The following COL25A1 variants were observed in gnomAD, a reference collection of about 807,000 sequenced individuals.
COL25A1 encodes the protein collagen alpha-1(XXV) chain.
A neutral mutation model predicts 128.4 loss-of-function variants in COL25A1; 103 were observed. The observed-to-expected ratio is 0.80, with a 90% CI of 0.68 to 0.94. The LOEUF (loss-of-function observed/expected upper bound fraction) is 0.94, where lower values mean the gene tolerates loss of function less well. COL25A1 is among the 40% of genes least tolerant of loss of function. The pLI is 0.00. For synonymous variants in COL25A1, 279 were observed against 277.2 expected (o/e 1.01, Z -0.06); for missense variants, 745 against 840.0 (o/e 0.89, Z 1.40).
chr4:109,113,959 C>T (rs990531951), intron 3 of COL25A1, among the ~76,000 whole-genome samples: 17 of 152,076 alleles, frequency 1.1e-4, no homozygotes, highest in African/African-American at 2.9e-4. Context: ...TCACCATAAG[C>T]GCTAAATGAG....
intron 6 of COL25A1, among the ~76,000 whole-genome samples, chr4:108,980,952 C>G (rs147638910): frequency 0.01 from 1,563 of 152,290 alleles, 29 homozygotes; most frequent in African/African-American, 0.035. Flanking sequence ...CCGTTTTTCT[C>G]TTGTACAACT....
chr4:108,834,939 A>G (rs565902889), intron 31 of COL25A1, among the ~76,000 whole-genome samples: 37 of 152,308 alleles, frequency 2.4e-4, no homozygotes, highest in Admixed American at 2.2e-3. Context: ...ATGAACAATA[A>G]TTACTCATTG....
chr4:109,231,923 TA>T (rs1413968993), intron 3 of COL25A1, among the ~76,000 whole-genome samples: 1 of 152,008 alleles, frequency 6.6e-6, no homozygotes, highest in African/African-American at 2.4e-5. Context: ...GCTTAAACTA[TA>T]AAGAATATCT....
chr4:108,824,127 A>G (rs1393497694), intron 35 of COL25A1, 47 bp downstream of exon 35: 2 of 1,613,982 alleles, frequency 1.2e-6, no homozygotes, highest in African/African-American at 1.3e-5. Context: ...CAAAGCAGAC[A>G]GCAGGAGAAG....
chr4:109,072,306 A>G (rs1763037877), intron 3 of COL25A1, among the ~76,000 whole-genome samples: 1 of 152,180 alleles, frequency 6.6e-6, no homozygotes, highest in African/African-American at 2.4e-5. Context: ...TGTTACCTTA[A>G]TTTAACTCAC....
intron 3 of COL25A1, among the ~76,000 whole-genome samples, chr4:109,105,934 CTACTT>C (rs1208006040): frequency 1.3e-5 from 2 of 152,078 alleles, no homozygotes; most frequent in African/African-American, 2.4e-5. Context: ...TCTGTCAAAA[CTACTT>C]TACTTTATGA....
At chr4:109,006,184 T>C (rs1755949385) in intron 6 of COL25A1, among the ~76,000 whole-genome samples, 1 of 146,692 alleles carries the variant, frequency 6.8e-6, no homozygotes, top group South Asian at 2.2e-4. Flanking sequence ...AAGAAAGCTT[T>C]CAACAACTTA....
chr4:108,943,029 T>C (rs1834359), intron 8 of COL25A1, among the ~76,000 whole-genome samples: 75,669 of 151,906 alleles, frequency 0.5, 21,228 homozygotes, highest in East Asian at 0.93. Flanking sequence ...GTGCTGGGAT[T>C]ACAGGCGTGA....
At chr4:109,278,335 T>C (rs1723045990) in intron 3 of COL25A1, among the ~76,000 whole-genome samples, 1 of 152,222 alleles carries the variant, frequency 6.6e-6, no homozygotes, top group South Asian at 2.1e-4. Flanking sequence ...TTCATATTTC[T>C]TATATGTTGA....
At position 108,952,429 on chromosome 4, in the gene COL25A1, C is replaced by G. The variant is rs1578872243; in HGVS notation, c.493-10992G>C. Among the ~76,000 whole-genome samples the G allele has an allele frequency of 3.9e-5, 6 of 152,196 alleles. No homozygotes were observed. The South Asian group carries it at 1.2e-3, about 32-fold the overall frequency. On this transcript the variant is annotated intron_variant, in intron 8 of 37. Coordinates refer to ENST00000399132, the MANE Select transcript of COL25A1 (RefSeq NM_198721.4). ...ACACTGCATAAAAATCTGCTTAAAC[C>G]TCCCTGTGGAAACAAAAATGGTGTA...
At chr4:109,013,580 C>A (rs1481548938) in intron 5 of COL25A1, among the ~76,000 whole-genome samples, 2 of 152,022 alleles carry the variant, frequency 1.3e-5, no homozygotes, top group Non-Finnish European at 2.9e-5. Context: ...GTAACACTCA[C>A]CACGAAGGTC....
chr4:108,977,101 AAAG>A (rs1046537507), intron 6 of COL25A1, among the ~76,000 whole-genome samples: 1 of 152,168 alleles, frequency 6.6e-6, no homozygotes, highest in East Asian at 1.9e-4. Flanking sequence ...AGAGTCTCAG[AAAG>A]AAGGATACCT....
intron 11 of COL25A1, among the ~76,000 whole-genome samples, chr4:108,921,401 T>TTCTA (rs10664877): frequency 0.7 from 106,253 of 151,684 alleles, 38,530 homozygotes; most frequent in East Asian, 0.93. Context: ...ATAGCTATAT[T>TTCTA]TCTATTTTTA....
chr4:109,110,161 T>C (rs1323683822), intron 3 of COL25A1, among the ~76,000 whole-genome samples: 2 of 152,148 alleles, frequency 1.3e-5, no homozygotes, highest in Admixed American at 6.5e-5. Flanking sequence ...AGAGCAAATA[T>C]GGTTTCTTCT....
At chr4:108,891,157 T>C (rs1041114785) in intron 16 of COL25A1, among the ~76,000 whole-genome samples, 16 of 152,158 alleles carry the variant, frequency 1.1e-4, no homozygotes, top group African/African-American at 3.9e-4. Context: ...CAAAAAGAAT[T>C]TTTAAACAGG....
chr4:109,233,592 T>C (rs553713451), intron 3 of COL25A1, among the ~76,000 whole-genome samples: 1 of 152,290 alleles, frequency 6.6e-6, no homozygotes, highest in African/African-American at 2.4e-5. Context: ...AAGCTATATG[T>C]GCAACCTTTA....
At chr4:109,193,912 T>C (rs1251507639) in intron 3 of COL25A1, among the ~76,000 whole-genome samples, 1 of 152,192 alleles carries the variant, frequency 6.6e-6, no homozygotes, top group Non-Finnish European at 1.5e-5. Context: ...TGAGCCTTTA[T>C]GATATCTAGA....
At chr4:109,061,775 T>G (rs574986791) in intron 3 of COL25A1, among the ~76,000 whole-genome samples, 52 of 152,326 alleles carry the variant, frequency 3.4e-4, no homozygotes, top group Non-Finnish European at 6.0e-4. Flanking sequence ...AATCTCAGAT[T>G]CATACTGACA....
chr4:108,880,017 C>CA, intron 19 of COL25A1, among the ~76,000 whole-genome samples: 1 of 151,772 alleles, frequency 6.6e-6, no homozygotes, highest in Non-Finnish European at 1.5e-5. Context: ...CCTTGTTGGT[C>CA]AGGCTGGTCT....
Sources: gnomAD v4.1 joint callset for allele counts (sites outside exome capture counted in the v4.1 genomes callset) on GRCh38, gnomAD v4.1.1 for gene constraint, MANE v1.5 for transcripts, NCBI Gene and HGNC (gene_info 2026-07-23, HGNC 2026-07-21) for gene names.